The following UACA variants were observed in gnomAD, a reference collection of about 807,000 sequenced individuals.
The protein encoded by UACA is uveal autoantigen with coiled-coil domains and ankyrin repeats, also known as nuclear membrane binding protein.
In UACA, 112 loss-of-function variants were observed where a neutral mutation model predicts 160.5. That is an observed-to-expected ratio of 0.70 (90% CI 0.60 to 0.82). UACA has a LOEUF of 0.82. Ranked by LOEUF, UACA falls within the 40% of genes least tolerant of loss-of-function variation. The pLI is 0.00. For missense variants in UACA, 1,574 were observed against 1,614.6 expected (o/e 0.97, Z 0.43); for synonymous variants, 557 against 568.4 (o/e 0.98, Z 0.29).
In UACA at chr15:70,687,779, G is replaced by C; in HGVS notation, c.466C>G (p.His156Asp). The C allele has an allele frequency of 6.2e-7, 1 of 1,613,754 alleles. No individual in the cohort carries two copies. The highest frequency in any genetic ancestry group is 8.5e-7 in the Non-Finnish European group (1 of 1,179,776). ...TCTTTGGCATTCACAGAGGCCCCAT[G>C]GTCACAAAGCAGCTGTATGCTAGAA... ...CPSSIQLLCDHGASVNAKDVD... is the reference protein window; with the variant it reads ...CPSSIQLLCDDGASVNAKDVD... Residue 156 changes from histidine to aspartate, a missense_variant, in exon 6 of 19, where the codon CAT (histidine) becomes GAT (aspartate). Coordinates refer to ENST00000322954, the MANE Select transcript of UACA (RefSeq NM_018003.4).
At chr15:70,771,828 C>T in the UACA span, among the ~76,000 whole-genome samples, 24 of 151,556 alleles carry the variant, frequency 1.6e-4, no homozygotes, top group Admixed American at 5.3e-4. Context: ...AGCAATGCAA[C>T]GGCCCTAAGC....
chr15:70,670,550 G>A (rs1030990517), intron 15 of UACA, among the ~76,000 whole-genome samples: 7 of 151,870 alleles, frequency 4.6e-5, no homozygotes, highest in African/African-American at 1.7e-4. Context: ...CTCTCCCTCT[G>A]CCTTAAACCT....
chr15:70,750,057 T>C (rs1198687464), intron 1 of UACA, among the ~76,000 whole-genome samples: 1 of 152,120 alleles, frequency 6.6e-6, no homozygotes, highest in Non-Finnish European at 1.5e-5. Flanking sequence ...GACTGTGACT[T>C]TGGTAAGTCA....
chr15:70,713,834 C>A (rs978124593), intron 1 of UACA, among the ~76,000 whole-genome samples: 1 of 151,606 alleles, frequency 6.6e-6, no homozygotes, highest in African/African-American at 2.4e-5. Context: ...ATCTTATATA[C>A]CTCACCCACT....
intron 1 of UACA, among the ~76,000 whole-genome samples, chr15:70,724,052 A>T (rs1177165125): frequency 6.6e-6 from 1 of 152,132 alleles, no homozygotes; most frequent in Non-Finnish European, 1.5e-5. Flanking sequence ...TTTATATTTT[A>T]AGTGTGTTAG....
intron 1 of UACA, among the ~76,000 whole-genome samples, chr15:70,749,813 C>T: frequency 6.6e-6 from 1 of 150,628 alleles, no homozygotes; most frequent in East Asian, 1.9e-4. Flanking sequence ...ATTTATCAAA[C>T]ATCATCATCA....
In UACA at chr15:70,667,194, C is replaced by T. The variant is rs1896945155; in HGVS notation, c.3490G>A (p.Val1164Ile). ...ATCTGCAAATGCTCTGCCAGGGGTA[C>T]AGAAGAGTTCTTTTGATTCTCCAAC... ...QLLENQKNSS[V>I]PLAEHLQIKE... Residue 1164 changes from valine (V) to isoleucine (I), a missense_variant, in exon 16 of 19, where the codon GTA becomes ATA. Val to Ile is a conservative substitution (Grantham distance 29, BLOSUM62 3). Coordinates refer to ENST00000322954, the MANE Select transcript of UACA (RefSeq NM_018003.4). The T allele has an allele frequency of 6.2e-7, 1 of 1,613,852 alleles. No individual in the cohort carries two copies. The highest frequency in any genetic ancestry group is 8.5e-7 in the Non-Finnish European group (1 of 1,179,946).
chr15:70,708,719 C>T lies in UACA; in HGVS notation c.79-9059G>A, dbSNP rs560972764. ...CTGCTGACCTCAAGTGATCTGCCCACGTCGGCCTCCCAAAGTGCTAGGATT... is the reference window on the plus strand; with the variant it reads ...CTGCTGACCTCAAGTGATCTGCCCATGTCGGCCTCCCAAAGTGCTAGGATT... On this transcript the variant is annotated intron_variant, in intron 1 of 18. Coordinates refer to ENST00000322954, the MANE Select transcript of UACA (RefSeq NM_018003.4). 3.9e-5 allele frequency among the ~76,000 whole-genome samples: 6 copies of T among 152,270 alleles called. No individual in the cohort carries two copies. In the South Asian group the frequency reaches 1.2e-3, roughly 32 times the overall value.
chr15:70,695,041 CA>C lies in UACA; in HGVS notation c.276del (p.Asp93IlefsTer68). On this transcript the variant is annotated frameshift_variant, in exon 3 of 19. Coordinates refer to ENST00000322954, the MANE Select transcript of UACA (RefSeq NM_018003.4). LOFTEE classifies it high-confidence loss of function. ...CCTGCAGTGTCACTGGTTGTAATATCAACTCCATGTATAAGGATGGCATTCA... is the reference window on the plus strand; with the variant it reads ...CCTGCAGTGTCACTGGTTGTAATATCACTCCATGTATAAGGATGGCATTCA... The part of the protein sequence containing the change: ...ECLNAILIHG[V>X]DITTSDTAGR... The C allele has an allele frequency of 6.2e-7, 1 of 1,610,722 alleles. No homozygotes were observed.
intron 13 of UACA, among the ~76,000 whole-genome samples, chr15:70,672,724 TGA>T (rs1416392465): frequency 6.6e-6 from 1 of 152,158 alleles, no homozygotes; most frequent in African/African-American, 2.4e-5. Flanking sequence ...TTTGGAAGGC[TGA>T]GACAGGCAGA....
At chr15:70,708,245 A>G (rs1410585623) in intron 1 of UACA, among the ~76,000 whole-genome samples, 2 of 152,128 alleles carry the variant, frequency 1.3e-5, no homozygotes, top group African/African-American at 4.8e-5. Flanking sequence ...AACAGAAAAC[A>G]ATGGTAAATA....
chr15:70,698,352 A>G (rs1898207707), intron 2 of UACA, among the ~76,000 whole-genome samples: 2 of 152,212 alleles, frequency 1.3e-5, no homozygotes, highest in Non-Finnish European at 2.9e-5. Context: ...AGCATTTGAG[A>G]AAAAAGAAAC....
Position 70,702,037 on chromosome 15 carries a change from C to CTG in UACA, c.79-2379_79-2378dup, listed in dbSNP as rs1898384215. The stretch of plus-strand genomic sequence containing the variant: ...GACAAGTGACTCAGTCCCTCACATG[C>CTG]TGTGCTACACTTAGCTTGGATCTCT... On this transcript the variant is annotated intron_variant, in intron 1 of 18. Transcript: ENST00000322954. The CTG allele has an allele frequency of 2.1e-6, 3 of 1,456,908 alleles. No homozygotes were observed. The South Asian group carries it at 4.5e-5, about 22-fold the overall frequency. 90.2% of individuals were successfully genotyped at this position (1,456,908 alleles called of 1,614,324 possible). A position where few individuals can be genotyped will look rare whatever the true frequency, so the allele number is the denominator to read the frequency against.
chr15:70,774,206 T>G, the UACA span, among the ~76,000 whole-genome samples: 2 of 152,166 alleles, frequency 1.3e-5, no homozygotes, highest in Non-Finnish European at 2.9e-5. Context: ...ATTATCCTAG[T>G]TTTATGAATG....
chr15:70,718,434 T>C (rs935853189), intron 1 of UACA, among the ~76,000 whole-genome samples: 2 of 147,196 alleles, frequency 1.4e-5, no homozygotes, highest in African/African-American at 5.0e-5. Flanking sequence ...GTTTGGCCAA[T>C]AGAATGTGAA....
intron 1 of UACA, among the ~76,000 whole-genome samples, chr15:70,746,037 G>T (rs1165921426): frequency 1.3e-5 from 2 of 152,120 alleles, no homozygotes; most frequent in African/African-American, 2.4e-5. Context: ...AACCCTAGAA[G>T]AGAATCTAGG....
At chr15:70,673,076 A>G (rs915865896) in intron 13 of UACA, among the ~76,000 whole-genome samples, 4 of 152,202 alleles carry the variant, frequency 2.6e-5, no homozygotes, top group African/African-American at 9.6e-5. Context: ...AGCCTGGGCA[A>G]CAAGAGTGAA....
At position 70,684,217 on chromosome 15, in the gene UACA, G is replaced by A. The variant is rs144550901; in HGVS notation, c.784+48C>T. On this transcript the variant is annotated intron_variant, in intron 8 of 18. Coordinates refer to ENST00000322954, the MANE Select transcript of UACA (RefSeq NM_018003.4). ...CTACTACCTAAGTCTTTTAAAAAGT[G>A]GCTCTTTGTTAATGTGGACTTTTCT... 162 of 1,502,994 alleles carry A rather than the reference G, an allele frequency of 1.1e-4. No homozygotes were observed. In the African/African-American group the frequency reaches 2.1e-3, roughly 20 times the overall value. The allele number at this position is 1,502,994 out of a possible 1,614,324, so 93.1% of individuals were successfully genotyped here. A position where few individuals can be genotyped will look rare whatever the true frequency, so the allele number is the denominator to read the frequency against.
At chr15:70,706,506 T>C (rs772850615) in intron 1 of UACA, among the ~76,000 whole-genome samples, 21 of 142,398 alleles carry the variant, frequency 1.5e-4, no homozygotes, top group Middle Eastern at 3.5e-3. Context: ...TCAAATGCAA[T>C]GATCTTATTT....
Sources: allele counts gnomAD v4.1 joint callset (sites outside exome capture counted in the v4.1 genomes callset), GRCh38; gene constraint gnomAD v4.1.1; transcripts MANE v1.5; gene names NCBI Gene and HGNC (gene_info 2026-07-23, HGNC 2026-07-21).